Variants in LRMDA observed in about 807,000 individuals in gnomAD.
The protein encoded by LRMDA is leucine rich melanocyte differentiation associated, also known as leucine-rich melanocyte differentiation-associated protein.
Under a neutral mutation model 29.8 loss-of-function variants are expected in LRMDA, and 18 were observed. The ratio of observed to expected loss-of-function variants is 0.60; its 90% CI spans 0.42 to 0.90. LRMDA has a LOEUF of 0.90. Among genes scored for constraint, LRMDA ranks in the 40% least tolerant of loss-of-function variants. The probability of loss-of-function intolerance (pLI) is 0.00; values close to 1 mark genes in which losing one functional copy is unlikely to be tolerated. For missense variants in LRMDA, 273 were observed against 273.9 expected (o/e 1.00, Z 0.02); for synonymous variants, 125 against 109.4 (o/e 1.14, Z -0.89).
At chr10:76,487,438 A>T (rs1842793184) in intron 6 of LRMDA, among the ~76,000 whole-genome samples, 2 of 151,904 alleles carry the variant, frequency 1.3e-5, no homozygotes, top group African/African-American at 4.8e-5. Flanking sequence ...CTTGAAGGTA[A>T]AGAAGGGGTA....
intron 6 of LRMDA, among the ~76,000 whole-genome samples, chr10:76,341,933 G>A (rs1240254038): frequency 6.6e-6 from 1 of 152,120 alleles, no homozygotes; most frequent in Non-Finnish European, 1.5e-5. Context: ...GTTCATTACG[G>A]TAGTTACAAA....
chr10:75,750,770 G>C (rs968511533), intron 2 of LRMDA, among the ~76,000 whole-genome samples: 11 of 151,578 alleles, frequency 7.3e-5, no homozygotes, highest in Non-Finnish European at 1.5e-4. Flanking sequence ...CGGCCAGGCA[G>C]AGACGCTCCT....
At chr10:76,303,211 CTT>C (rs34865373) in intron 5 of LRMDA, among the ~76,000 whole-genome samples, 81 of 131,410 alleles carry the variant, frequency 6.2e-4, no homozygotes, top group East Asian at 1.7e-3. Flanking sequence ...ACACTCCTCC[CTT>C]TTTTTTTTTT....
intron 6 of LRMDA, among the ~76,000 whole-genome samples, chr10:76,443,370 C>T (rs1476632477): frequency 6.6e-6 from 1 of 152,198 alleles, no homozygotes; most frequent in African/African-American, 2.4e-5. Context: ...TCTGGCATCA[C>T]ATCTTCGAGA....
chr10:76,156,470 G>C (rs1279800548), intron 5 of LRMDA, among the ~76,000 whole-genome samples: 2 of 152,122 alleles, frequency 1.3e-5, no homozygotes, highest in African/African-American at 4.8e-5. Flanking sequence ...GGGTGGACTA[G>C]GGACCTCTGA....
chr10:75,626,893 G>A (rs781117578), intron 2 of LRMDA, among the ~76,000 whole-genome samples: 6 of 152,142 alleles, frequency 3.9e-5, no homozygotes, highest in Non-Finnish European at 8.8e-5. Context: ...CCCCATCTTG[G>A]GTGGACATTC....
At chr10:76,233,563 A>G (rs1372337122) in intron 5 of LRMDA, among the ~76,000 whole-genome samples, 1 of 152,170 alleles carries the variant, frequency 6.6e-6, no homozygotes, top group Non-Finnish European at 1.5e-5. Flanking sequence ...CATTTTACTC[A>G]CATTAGAACT....
intron 2 of LRMDA, among the ~76,000 whole-genome samples, chr10:75,814,245 A>C (rs986114560): frequency 3.3e-5 from 5 of 152,206 alleles, no homozygotes; most frequent in African/African-American, 1.2e-4. Flanking sequence ...AATTCTTCAT[A>C]GGCATGAGTC....
At chr10:76,157,442 T>C (rs1028526192) in intron 5 of LRMDA, among the ~76,000 whole-genome samples, 16 of 152,004 alleles carry the variant, frequency 1.1e-4, no homozygotes, top group African/African-American at 3.9e-4. Context: ...CAGACCCTGT[T>C]GCCAAAAAAG....
intron 2 of LRMDA, among the ~76,000 whole-genome samples, chr10:75,966,313 C>T (rs73281429): frequency 0.016 from 2,509 of 152,274 alleles, 77 homozygotes; most frequent in African/African-American, 0.057. Context: ...TTCTTCATGA[C>T]TCTGAATGTA....
chr10:76,081,642 C>G (rs1257960356), intron 5 of LRMDA, among the ~76,000 whole-genome samples: 1 of 152,108 alleles, frequency 6.6e-6, no homozygotes, highest in African/African-American at 2.4e-5. Flanking sequence ...GAAAATTCAC[C>G]TATACAAGTG....
At chr10:75,507,600 C>T (rs1589163951) in intron 2 of LRMDA, among the ~76,000 whole-genome samples, 1 of 152,128 alleles carries the variant, frequency 6.6e-6, no homozygotes, top group Non-Finnish European at 1.5e-5. Flanking sequence ...ATTTTTTACT[C>T]GCATTGTTTC....
intron 2 of LRMDA, among the ~76,000 whole-genome samples, chr10:76,034,407 C>T (rs1193041932): frequency 1.3e-5 from 2 of 152,114 alleles, no homozygotes; most frequent in Non-Finnish European, 2.9e-5. Context: ...CCTCTGGACC[C>T]CTACTCCAAA....
At chr10:75,435,227 T>C (rs552892378) in intron 1 of LRMDA, among the ~76,000 whole-genome samples, 10 of 152,354 alleles carry the variant, frequency 6.6e-5, no homozygotes, top group Middle Eastern at 6.8e-3. Flanking sequence ...TTAAGATCTA[T>C]TAATCTCTGT....
At chr10:76,373,571 T>A (rs1841481074) in intron 6 of LRMDA, among the ~76,000 whole-genome samples, 1 of 152,112 alleles carries the variant, frequency 6.6e-6, no homozygotes, top group Non-Finnish European at 1.5e-5. Context: ...ATCTCCTGTG[T>A]TTTTTAAGTC....
At position 76,391,822 on chromosome 10, in the gene LRMDA, G is replaced by A. The variant is rs117352828; in HGVS notation, c.601+67337G>A. On this transcript the variant is annotated intron_variant, in intron 6 of 6. Transcript: ENST00000611255. ...CATAAGAAGCTTTTTTGCATGAATA[G>A]GTTAGAGATTAGGTAGTAAAATGCC... Among the ~76,000 whole-genome samples, 1,291 of 152,230 alleles carry A rather than the reference G, an allele frequency of 8.5e-3. 8 individuals are homozygous for A. The highest frequency in any genetic ancestry group is 0.012 in the Non-Finnish European group (811 of 68,000).
intron 2 of LRMDA, among the ~76,000 whole-genome samples, chr10:75,835,397 T>C (rs1383251914): frequency 2.6e-5 from 4 of 152,218 alleles, no homozygotes; most frequent in Non-Finnish European, 5.9e-5. Flanking sequence ...TGTGATGACA[T>C]TGGGTCCACC....
intron 5 of LRMDA, among the ~76,000 whole-genome samples, chr10:76,195,565 T>C (rs1223743061): frequency 6.6e-6 from 1 of 152,174 alleles, no homozygotes; most frequent in East Asian, 1.9e-4. Context: ...GTCTTACCTG[T>C]TTCCTTAGCC....
chr10:76,182,896 G>T (rs1263919159), intron 5 of LRMDA, among the ~76,000 whole-genome samples: 1 of 152,160 alleles, frequency 6.6e-6, no homozygotes, highest in Non-Finnish European at 1.5e-5. Context: ...CAGCATCAAG[G>T]GTAGTCAAAG....
Sources: gnomAD v4.1 joint callset for allele counts (sites outside exome capture counted in the v4.1 genomes callset) on GRCh38, gnomAD v4.1.1 for gene constraint, MANE v1.5 for transcripts, NCBI Gene and HGNC (gene_info 2026-07-23, HGNC 2026-07-21) for gene names.